Variants in PCF11 observed in about 807,000 individuals in gnomAD.
The protein encoded by PCF11 is PCF11 cleavage and polyadenylation factor subunit, also known as pre-mRNA cleavage complex 2 protein Pcf11.
A neutral mutation model predicts 166.1 loss-of-function variants in PCF11; 19 were observed. The observed-to-expected ratio is 0.11, with a 90% CI of 0.08 to 0.17. PCF11 has a LOEUF of 0.17. PCF11 is among the 10% of genes least tolerant of loss of function. PCF11 has a pLI of 1.00. For synonymous variants in PCF11, 663 were observed against 644.1 expected (o/e 1.03, Z -0.44); for missense variants, 1,565 against 1,855.5 (o/e 0.84, Z 2.88).
intron 9 of PCF11, among the ~76,000 whole-genome samples, chr11:83,175,427 C>T (rs946490992): frequency 3.9e-5 from 6 of 152,066 alleles, no homozygotes; most frequent in African/African-American, 7.2e-5. Context: ...GCCGCTGCAC[C>T]TGGCCTAAAA....
intron 7 of PCF11, 24 bp from the exon 8 acceptor site, chr11:83,168,404 A>C: frequency 6.5e-7 from 1 of 1,542,340 alleles, no homozygotes; most frequent in African/African-American, 1.4e-5. Flanking sequence ...CTTTAGTGAA[A>C]ATAATTTTTT....
exon 8 of PCF11, chr11:83,169,967 C>T (rs1565156881): frequency 1.3e-6 from 2 of 1,597,184 alleles, no homozygotes; most frequent in South Asian, 2.3e-5. Context: ...GCTCCAATGA[C>T]AGTAGGAAAT....
At chr11:83,158,285 G>A (rs1008445967) in intron 1 of PCF11, 1 of 152,068 alleles carries the variant, frequency 6.6e-6, no homozygotes, top group African/African-American at 2.4e-5. Flanking sequence ...TTCTCCTATT[G>A]GAGGGTCTAA....
intron 9 of PCF11, among the ~76,000 whole-genome samples, chr11:83,172,958 G>A (rs1469362292): frequency 1.3e-5 from 2 of 152,060 alleles, no homozygotes; most frequent in Non-Finnish European, 2.9e-5. Context: ...GAATTTGGAA[G>A]CTTTTAAGTT....
chr11:83,159,953 A>G (rs900670448), intron 1 of PCF11, among the ~76,000 whole-genome samples: 11 of 152,226 alleles, frequency 7.2e-5, no homozygotes, highest in African/African-American at 2.4e-4. Context: ...CATAAGTACA[A>G]TAATGACTAA....
At chr11:83,168,949 C>T (rs1860574562) in exon 8 of PCF11, 4 of 1,613,502 alleles carry the variant, frequency 2.5e-6, no homozygotes, top group Non-Finnish European at 3.4e-6. Context: ...AGGAGGCCAG[C>T]CTGTGGGTGG....
chr11:83,174,963 C>T (rs1590933607), intron 9 of PCF11, among the ~76,000 whole-genome samples: 1 of 152,102 alleles, frequency 6.6e-6, no homozygotes, highest in Admixed American at 6.5e-5. Flanking sequence ...CATTAATTAG[C>T]CTACGATATA....
intron 1 of PCF11, among the ~76,000 whole-genome samples, chr11:83,159,860 T>C (rs1399499974): frequency 6.6e-6 from 1 of 152,086 alleles, no homozygotes; most frequent in East Asian, 1.9e-4. Context: ...TAGCGAAAAA[T>C]AATACATAAA....
chr11:83,168,076 G>T, intron 7 of PCF11, among the ~76,000 whole-genome samples, 178 bp downstream of exon 7: 1 of 152,078 alleles, frequency 6.6e-6, no homozygotes, highest in South Asian at 2.1e-4. Flanking sequence ...TATTTCTAAG[G>T]CCAGTTGTGT....
At chr11:83,172,585 G>A (rs1369362701) in intron 9 of PCF11, among the ~76,000 whole-genome samples, 1 of 152,056 alleles carries the variant, frequency 6.6e-6, no homozygotes, top group Non-Finnish European at 1.5e-5. Context: ...ACCAGACTGG[G>A]CTAACTTTTG....
chr11:83,157,133 A>T lies in PCF11; in HGVS notation c.-307A>T, dbSNP rs1470038817. The T allele has an allele frequency of 1.4e-5, 7 of 517,902 alleles. No homozygotes were observed. The Admixed American group carries it at 1.7e-4, about 13-fold the overall frequency. 32.1% of individuals were successfully genotyped at this position (517,902 alleles called of 1,614,324 possible). ...TTTCCCCTCCCCTAGTTCATTTCGC[A>T]CGACGCAGCGGTTGGGAACACAGAC... On this transcript the variant is annotated 5_prime_UTR_variant, in exon 1 of 16. Transcript: ENST00000298281.
intron 9 of PCF11, among the ~76,000 whole-genome samples, chr11:83,173,719 C>CTTTT (rs869126679): frequency 0.031 from 1,820 of 59,098 alleles, 4 homozygotes; most frequent in Middle Eastern, 0.065. Flanking sequence ...TTCTTTCTTT[C>CTTTT]TTTTTTTTTT....
chr11:83,169,915 A>G, exon 8 of PCF11: 2 of 1,610,636 alleles, frequency 1.2e-6, no homozygotes, highest in East Asian at 2.2e-5. Flanking sequence ...TGATGAAAAA[A>G]ATCTTCAGAG....
intron 5 of PCF11, 70 bp downstream of exon 5, chr11:83,166,784 T>C: frequency 7.2e-7 from 1 of 1,383,034 alleles, no homozygotes; most frequent in Non-Finnish European, 9.8e-7. Context: ...AATTTAAAAA[T>C]TGGAAAATGT....
exon 8 of PCF11, chr11:83,169,328 C>T: frequency 3.1e-6 from 5 of 1,611,840 alleles, no homozygotes; most frequent in Non-Finnish European, 4.2e-6. Flanking sequence ...TTTGAAGGCC[C>T]TTTAGTCCAA....
At chr11:83,157,452 A>G (rs1321335411) in exon 1 of PCF11, 6 of 1,610,058 alleles carry the variant, frequency 3.7e-6, no homozygotes, top group South Asian at 1.1e-5. Flanking sequence ...GTCAGAGCAG[A>G]CGCCGGCCGA....
At chr11:83,161,658 C>T (rs1008883692) in intron 2 of PCF11, among the ~76,000 whole-genome samples, 15 of 151,994 alleles carry the variant, frequency 9.9e-5, no homozygotes, top group Non-Finnish European at 1.9e-4. Context: ...TTACATTATC[C>T]ATTTAAGAAT....
chr11:83,160,805 T>G (rs1296684857), intron 1 of PCF11, among the ~76,000 whole-genome samples: 1 of 152,170 alleles, frequency 6.6e-6, no homozygotes, highest in Non-Finnish European at 1.5e-5. Context: ...AGGTGAAGTG[T>G]TTTTAATTTT....
exon 13 of PCF11, chr11:83,181,957 C>A (rs1468613606): frequency 1.9e-6 from 3 of 1,612,548 alleles, no homozygotes; most frequent in Non-Finnish European, 2.5e-6. Context: ...CAAGAGGCTG[C>A]TAAAGAAAAA....
Sources: allele counts gnomAD v4.1 joint callset (sites outside exome capture counted in the v4.1 genomes callset), GRCh38; gene constraint gnomAD v4.1.1; transcripts MANE v1.5; gene names NCBI Gene and HGNC (gene_info 2026-07-23, HGNC 2026-07-21).